The following DLGAP1 variants were observed in gnomAD, a reference collection of about 807,000 sequenced individuals.
The protein encoded by DLGAP1 is disks large-associated protein 1.
A neutral mutation model predicts 90.8 loss-of-function variants in DLGAP1; 11 were observed. That is an observed-to-expected ratio of 0.12 (90% CI 0.08 to 0.20). The LOEUF (loss-of-function observed/expected upper bound fraction) is 0.20, where lower values mean the gene tolerates loss of function less well. Ranked by LOEUF, DLGAP1 falls within the 10% of genes least tolerant of loss-of-function variation. DLGAP1 has a pLI of 1.00. For missense variants in DLGAP1, 1,050 were observed against 1,333.8 expected, an observed-to-expected ratio of 0.79 and a Z score of 3.31; for synonymous variants, 558 against 540.7, an observed-to-expected ratio of 1.03 and a Z score of -0.44.
At chr18:3,770,617 C>T (rs2064484016) in intron 5 of DLGAP1, among the ~76,000 whole-genome samples, 1 of 151,884 alleles carries the variant, frequency 6.6e-6, no homozygotes, top group African/African-American at 2.4e-5. Flanking sequence ...ACTACTCATT[C>T]ATCTGAACAA....
chr18:3,549,582 CG>C (rs1428897844), intron 9 of DLGAP1, among the ~76,000 whole-genome samples: 1 of 152,194 alleles, frequency 6.6e-6, no homozygotes, highest in East Asian at 1.9e-4. Flanking sequence ...CCACCCGCCT[CG>C]GCCTCCCAAA....
chr18:4,435,313 C>T (rs1175453325), intron 1 of DLGAP1, among the ~76,000 whole-genome samples: 1 of 151,906 alleles, frequency 6.6e-6, no homozygotes, highest in Non-Finnish European at 1.5e-5. Context: ...GTGTAGGCTG[C>T]CTTTTAAGTT....
At chr18:3,771,485 C>T (rs1418314672) in intron 5 of DLGAP1, 1 of 152,318 alleles carries the variant, frequency 6.6e-6, no homozygotes, top group South Asian at 2.1e-4. Context: ...CGGGTGGCGG[C>T]GTCAGTCCCG....
At chr18:3,874,331 G>A in intron 4 of DLGAP1, 2 of 1,524,556 alleles carry the variant, frequency 1.3e-6, no homozygotes, top group Non-Finnish European at 1.8e-6. Flanking sequence ...CTACCGCGGA[G>A]AGAGCGTTTT....
At chr18:3,735,686 C>T (rs1328750652) in intron 6 of DLGAP1, among the ~76,000 whole-genome samples, 2 of 151,646 alleles carry the variant, frequency 1.3e-5, no homozygotes, top group South Asian at 2.1e-4. Context: ...TCTTACAGGA[C>T]AGATGTGAAA....
At chr18:3,957,454 G>T (rs2073105363) in intron 3 of DLGAP1, among the ~76,000 whole-genome samples, 1 of 152,150 alleles carries the variant, frequency 6.6e-6, no homozygotes, top group South Asian at 2.1e-4. Context: ...GTGGTAATTT[G>T]TTATAGCAGC....
intron 9 of DLGAP1, among the ~76,000 whole-genome samples, chr18:3,566,493 A>G (rs1168471322): frequency 6.6e-6 from 1 of 152,056 alleles, no homozygotes; most frequent in Non-Finnish European, 1.5e-5. Flanking sequence ...GTGTCAATCA[A>G]TAGTGAGAGG....
chr18:4,228,748 A>C (rs1414445493), intron 1 of DLGAP1, among the ~76,000 whole-genome samples: 1 of 152,070 alleles, frequency 6.6e-6, no homozygotes, highest in Non-Finnish European at 1.5e-5. Flanking sequence ...GGAATGGAGA[A>C]AAACTGAAAG....
chr18:3,939,876 G>A (rs1235261078), intron 3 of DLGAP1, among the ~76,000 whole-genome samples: 4 of 152,190 alleles, frequency 2.6e-5, no homozygotes, highest in African/African-American at 7.2e-5. Context: ...GTGAGGACAT[G>A]TAATTTATAA....
At chr18:3,741,856 T>A (rs1415178727) in intron 6 of DLGAP1, among the ~76,000 whole-genome samples, 3 of 151,882 alleles carry the variant, frequency 2.0e-5, no homozygotes, top group African/African-American at 7.3e-5. Flanking sequence ...TCTTTTTTTT[T>A]AACAGAGAAA....
At chr18:3,909,572 ACTTTT>A (rs1475123191) in intron 3 of DLGAP1, among the ~76,000 whole-genome samples, 1 of 152,188 alleles carries the variant, frequency 6.6e-6, no homozygotes, top group Non-Finnish European at 1.5e-5. Context: ...GATGATAATT[ACTTTT>A]ATTTCACTGA....
In DLGAP1 at chr18:4,112,449, G is replaced by A. The variant is rs147788706; in HGVS notation, c.-159+38731C>T. ...TAGATCTTGTTAGTTTATACTGTTCGAGTTTTTGATTTCCTTGTTTATCTA... is the reference window on the plus strand; with the variant it reads ...TAGATCTTGTTAGTTTATACTGTTCAAGTTTTTGATTTCCTTGTTTATCTA... On this transcript the variant is annotated intron_variant, in intron 2 of 12. Transcript: ENST00000315677. 4.5e-3 allele frequency among the ~76,000 whole-genome samples: 684 copies of A among 152,112 alleles called. 4 individuals carry two copies. The highest frequency in any genetic ancestry group is 0.024 in the South Asian group (115 of 4,824).
intron 3 of DLGAP1, among the ~76,000 whole-genome samples, chr18:3,916,089 G>A (rs1408053951): frequency 6.6e-6 from 1 of 152,150 alleles, no homozygotes; most frequent in Non-Finnish European, 1.5e-5. Context: ...ACATCCATAA[G>A]GCTTCCCTCT....
rs372200234 is a variant in DLGAP1, at chr18:4,115,382, C to A, written c.-159+35798G>T. 1.1e-4 allele frequency among the ~76,000 whole-genome samples: 16 copies of A among 150,982 alleles called. 2 individuals carry two copies. Among genetic ancestry groups the A allele is most frequent in the South Asian group, 2.1e-4 (1 of 4,778 alleles). ...CTGAGAAAAGAAAGAAGAGGAAGTACGTATTTATATAGTTTGCTGTATTAA... is the reference window on the plus strand; with the variant it reads ...CTGAGAAAAGAAAGAAGAGGAAGTAAGTATTTATATAGTTTGCTGTATTAA... On this transcript the variant is annotated intron_variant, in intron 2 of 12. Transcript: ENST00000315677.
At chr18:4,354,887 CAAAAAAAAAAAAAAAAAAAAAAAAA>C (rs60379984) in intron 1 of DLGAP1, among the ~76,000 whole-genome samples, 3 of 23,848 alleles carry the variant, frequency 1.3e-4, no homozygotes, top group Non-Finnish European at 2.6e-4. Context: ...TTACTCTCAC[CAAAAAAAAAAAAAAAAAAAAAAAAA>C]AAAAAAAAAA....
At chr18:4,376,796 C>T (rs985366634) in intron 1 of DLGAP1, among the ~76,000 whole-genome samples, 5 of 152,106 alleles carry the variant, frequency 3.3e-5, no homozygotes, top group African/African-American at 7.2e-5. Flanking sequence ...ATTCATCAGG[C>T]GCTTATTGGA....
intron 1 of DLGAP1, among the ~76,000 whole-genome samples, chr18:4,350,759 C>T (rs1357273455): frequency 6.6e-6 from 1 of 152,132 alleles, no homozygotes; most frequent in African/African-American, 2.4e-5. Flanking sequence ...CTATTCTATT[C>T]ATACAATAAA....
chr18:4,050,790 A>C (rs2075122842), intron 2 of DLGAP1, among the ~76,000 whole-genome samples: 1 of 152,236 alleles, frequency 6.6e-6, no homozygotes, highest in Non-Finnish European at 1.5e-5. Flanking sequence ...AGAAAGATGA[A>C]ATCACTTGCC....
chr18:4,054,510 C>T (rs1475917576), intron 2 of DLGAP1, among the ~76,000 whole-genome samples: 1 of 152,274 alleles, frequency 6.6e-6, no homozygotes, highest in Non-Finnish European at 1.5e-5. Context: ...CACAACAGTA[C>T]ACATAGACAG....
Sources: allele counts gnomAD v4.1 joint callset (sites outside exome capture counted in the v4.1 genomes callset), GRCh38; gene constraint gnomAD v4.1.1; transcripts MANE v1.5; gene names NCBI Gene and HGNC (gene_info 2026-07-23, HGNC 2026-07-21).